Variants in PDILT observed in about 807,000 individuals in gnomAD.
The protein encoded by PDILT is protein disulfide-isomerase-like protein of the testis.
In PDILT, 43 loss-of-function variants were observed where a neutral mutation model predicts 53.7. The observed-to-expected ratio is 0.80, with a 90% confidence interval of 0.63 to 1.03. The LOEUF (loss-of-function observed/expected upper bound fraction) is 1.03, where lower values mean the gene tolerates loss of function less well. Among genes scored for constraint, PDILT ranks in the 50% least tolerant of loss-of-function variants. The probability of loss-of-function intolerance (pLI) is 0.00; values close to 1 mark genes in which losing one functional copy is unlikely to be tolerated. For synonymous variants in PDILT, 282 were observed against 274.2 expected (o/e 1.03, Z -0.28); for missense variants, 727 against 712.3 (o/e 1.02, Z -0.24).
At chr16:20,402,325 G>T (rs564431888) in intron 1 of PDILT, among the ~76,000 whole-genome samples, 1 of 123,546 alleles carries the variant, frequency 8.1e-6, no homozygotes, top group African/African-American at 3.4e-5. Flanking sequence ...TTGAGACAGG[G>T]TCTCGCTCTG....
At chr16:20,402,307 C>CTTTTCTTTTCTTTTCTTTTCTT in intron 1 of PDILT, among the ~76,000 whole-genome samples, 1 of 151,820 alleles carries the variant, frequency 6.6e-6, no homozygotes, top group East Asian at 1.9e-4. Context: ...CTTTTCTTTT[C>CTTTTCTTTTCTTTTCTTTTCTT]TTTTCTTTTG....
At position 20,369,429 on chromosome 16, in the gene PDILT, C is replaced by T. The variant is rs1966266923; in HGVS notation, c.1116+63G>A. ...AGGTGAGGAGAATTATCAAGGCCAA[C>T]AGAATTATGAGAAGGAGATGATTTT... On this transcript the variant is annotated intron_variant, in intron 8 of 11. Transcript: ENST00000302451. The T allele has an allele frequency of 3.9e-6, 6 of 1,532,786 alleles. No homozygotes were observed. In the Admixed American group the frequency reaches 6.7e-5, roughly 17 times the overall value. The allele number at this position is 1,532,786 out of a possible 1,614,324, so 94.9% of individuals were successfully genotyped here.
In PDILT at chr16:20,372,826, C is replaced by T. The variant is rs755681932; in HGVS notation, c.894G>A (p.Leu298=). The part of the protein sequence containing the change: ...SYGIIIQHYK[L]ASKEFQNKIL... ...CCTTGTTTTGGAATTCCTTTGATGC[C>T]AGCTTATAATGCTGAATTATGATAC... The change falls in exon 7 of 12, where the codon CTG becomes CTA. Residue 298 remains leucine (L), a synonymous_variant. Coordinates refer to ENST00000302451, the MANE Select transcript of PDILT (RefSeq NM_174924.2). 2 of 1,613,966 alleles carry T rather than the reference C, an allele frequency of 1.2e-6. No homozygotes were observed. The highest frequency in any genetic ancestry group is 2.2e-5 in the East Asian group (1 of 44,886).
intron 11 of PDILT, 68 bp from the exon 12 acceptor site, chr16:20,359,635 G>A (rs1966068624): frequency 6.9e-7 from 1 of 1,450,140 alleles, no homozygotes; most frequent in Non-Finnish European, 9.6e-7. Flanking sequence ...AAAGAGGCAA[G>A]AAATATGTCA....
intron 2 of PDILT, among the ~76,000 whole-genome samples, chr16:20,387,215 A>T (rs188988217): frequency 2.2e-4 from 33 of 152,376 alleles, no homozygotes; most frequent in African/African-American, 6.7e-4. Flanking sequence ...ATAACAAAGT[A>T]AAATATGTGC....
At chr16:20,375,581 C>T (rs967857918) in intron 4 of PDILT, among the ~76,000 whole-genome samples, 1 of 152,206 alleles carries the variant, frequency 6.6e-6, no homozygotes, top group Non-Finnish European at 1.5e-5. Context: ...TATTATGAGA[C>T]GTTTCATGAT....
At chr16:20,387,659 C>CA (rs1966557709) in intron 2 of PDILT, among the ~76,000 whole-genome samples, 1 of 151,220 alleles carries the variant, frequency 6.6e-6, no homozygotes, top group Non-Finnish European at 1.5e-5. Flanking sequence ...CTTGTTCTGT[C>CA]ACCCAGGTTG....
chr16:20,376,744 G>A (rs1299822321), intron 3 of PDILT, among the ~76,000 whole-genome samples: 1 of 152,136 alleles, frequency 6.6e-6, no homozygotes, highest in African/African-American at 2.4e-5. Flanking sequence ...TGCCCTTTAA[G>A]GTCATCCACT....
intron 10 of PDILT, among the ~76,000 whole-genome samples, chr16:20,361,205 T>TTTTTTTTTTTTTTTTTG (rs5816105): frequency 1.5e-5 from 2 of 134,798 alleles, no homozygotes; most frequent in African/African-American, 2.8e-5. Flanking sequence ...TTTTTTTTTT[T>TTTTTTTTTTTTTTTTTG]ATATGGAATC....
intron 3 of PDILT, among the ~76,000 whole-genome samples, chr16:20,381,849 G>A (rs887870413): frequency 6.6e-6 from 1 of 152,044 alleles, no homozygotes; most frequent in African/African-American, 2.4e-5. Flanking sequence ...ATGCCCACCT[G>A]CAGTGGGTGC....
At chr16:20,389,720 T>C (rs1205898272) in intron 2 of PDILT, among the ~76,000 whole-genome samples, 1 of 152,106 alleles carries the variant, frequency 6.6e-6, no homozygotes, top group Admixed American at 6.5e-5. Context: ...GTTTGCCTGG[T>C]CTTTAGTAGA....
chr16:20,382,594 A>G (rs1966475769), intron 3 of PDILT, among the ~76,000 whole-genome samples: 1 of 152,172 alleles, frequency 6.6e-6, no homozygotes, highest in Non-Finnish European at 1.5e-5. Flanking sequence ...CAGTTTCTCC[A>G]TCTGTAAAAG....
In PDILT at chr16:20,394,273, T is replaced by C. The variant is rs79233149; in HGVS notation, c.202+4826A>G. Reference sequence around the variant, plus strand: ...GACATTCCTACCCAGAAGAGAACTCTTTCTGGTGGTTCACTGTCTGAAAGA... The same window carrying C: ...GACATTCCTACCCAGAAGAGAACTCCTTCTGGTGGTTCACTGTCTGAAAGA... On this transcript the variant is annotated intron_variant, in intron 2 of 11. Coordinates refer to ENST00000302451, the MANE Select transcript of PDILT (RefSeq NM_174924.2). Among the ~76,000 whole-genome samples the C allele has an allele frequency of 3.5e-3, 539 of 151,924 alleles. 3 individuals carry two copies. The highest frequency in any genetic ancestry group is 0.012 in the African/African-American group (512 of 41,414).
intron 2 of PDILT, among the ~76,000 whole-genome samples, chr16:20,394,504 A>G (rs939828133): frequency 6.6e-6 from 1 of 152,206 alleles, no homozygotes; most frequent in East Asian, 1.9e-4. Context: ...AAGCACGGCT[A>G]TAGGGCAGTG....
At chr16:20,369,791 G>C (rs1966277096) in intron 7 of PDILT, 102 bp from the exon 8 acceptor site, 3 of 1,175,342 alleles carry the variant, frequency 2.6e-6, no homozygotes, top group Non-Finnish European at 3.8e-6. Flanking sequence ...TGGGGTCTGT[G>C]GAGCACCTCT....
chr16:20,375,643 A>G (rs1966374055), intron 4 of PDILT, among the ~76,000 whole-genome samples: 1 of 152,120 alleles, frequency 6.6e-6, no homozygotes, highest in Non-Finnish European at 1.5e-5. Context: ...TGCACCTCTA[A>G]GGGTTGGTGT....
At chr16:20,368,188 A>G (rs1052267091) in intron 8 of PDILT, among the ~76,000 whole-genome samples, 5 of 152,022 alleles carry the variant, frequency 3.3e-5, no homozygotes, top group Non-Finnish European at 7.4e-5. Context: ...CACGTCAGCT[A>G]TTGGAGAAGA....
chr16:20,366,090 CAAAAAAAAAA>C (rs34816350), intron 8 of PDILT, among the ~76,000 whole-genome samples: 1 of 72,290 alleles, frequency 1.4e-5, no homozygotes, highest in African/African-American at 4.5e-5. Flanking sequence ...ATTTCGTCTC[CAAAAAAAAAA>C]AAAAAAAAAA....
intron 2 of PDILT, among the ~76,000 whole-genome samples, chr16:20,396,599 G>T (rs72776687): frequency 0.012 from 1,805 of 152,294 alleles, 18 homozygotes; most frequent in Middle Eastern, 0.017. Context: ...GAGGGAGCAG[G>T]AACCAAGCCA....
Sources: gnomAD v4.1 joint callset for allele counts (sites outside exome capture counted in the v4.1 genomes callset) on GRCh38, gnomAD v4.1.1 for gene constraint, MANE v1.5 for transcripts, NCBI Gene and HGNC (gene_info 2026-07-23, HGNC 2026-07-21) for gene names.